LMAN1L: variants seen among roughly 807,000 people sequenced by gnomAD.
LMAN1L encodes protein ERGIC-53-like.
Under a neutral mutation model 58.3 loss-of-function variants are expected in LMAN1L, and 60 were observed. That is an observed-to-expected ratio of 1.03 (90% CI 0.84 to 1.27). The LOEUF (loss-of-function observed/expected upper bound fraction) is 1.27, where lower values mean the gene tolerates loss of function less well. Among genes scored for constraint, LMAN1L ranks in the 50% most tolerant of loss-of-function variants. The pLI is 0.00. For synonymous variants in LMAN1L, 280 were observed against 271.6 expected, an observed-to-expected ratio of 1.03 and a Z score of -0.31; for missense variants, 629 against 674.0, an observed-to-expected ratio of 0.93 and a Z score of 0.74.
chr15:74,820,012 G>T, intron 6 of LMAN1L, 32 bp from the exon 7 acceptor site: 1 of 1,604,108 alleles, frequency 6.2e-7, no homozygotes, highest in Non-Finnish European at 8.5e-7. Flanking sequence ...GGGTGGAGGG[G>T]TCTTACTTCT....
At position 74,814,652 on chromosome 15, in the gene LMAN1L, C is replaced by CGT. The variant is rs772965170; in HGVS notation, c.176-1504_176-1503insTG. Among the ~76,000 whole-genome samples, 24 of 151,784 alleles carry CGT rather than the reference C, an allele frequency of 1.6e-4. 1 individual carries two copies. Among genetic ancestry groups the CGT allele is most frequent in the Non-Finnish European group, 2.5e-4 (17 of 67,948 alleles). On this transcript the variant is annotated intron_variant, in intron 1 of 13. Transcript: ENST00000309664. ...CCTCCCAAAGTGCTGGGATTACAGG[C>CGT]GAGCCACCGCGCCCAGCCTAATTTT... is the stretch of plus-strand genomic sequence containing the variant.
chr15:74,815,761 A>G (rs2063887595), intron 1 of LMAN1L, among the ~76,000 whole-genome samples: 1 of 152,190 alleles, frequency 6.6e-6, no homozygotes, highest in African/African-American at 2.4e-5. Context: ...CATCTGAGAA[A>G]TGGGAAGGGT....
chr15:74,818,910 C>A (rs1387502799), intron 5 of LMAN1L, 93 bp downstream of exon 5: 6 of 1,167,056 alleles, frequency 5.1e-6, no homozygotes, highest in Non-Finnish European at 7.3e-6. Context: ...GCCTGTGACA[C>A]CACGTGAGGT....
chr15:74,819,866 A>C, intron 6 of LMAN1L, 178 bp from the exon 7 acceptor site: 1 of 655,644 alleles, frequency 1.5e-6, no homozygotes, highest in East Asian at 2.7e-5. Flanking sequence ...CTCACCACCC[A>C]CCCGTCTACC....
At position 74,822,423 on chromosome 15, in the gene LMAN1L, G is replaced by A. The variant is rs573950460; in HGVS notation, c.1132-219G>A. 7.9e-5 allele frequency among the ~76,000 whole-genome samples: 12 copies of A among 152,294 alleles called. No individual in the cohort carries two copies. In the East Asian group the frequency reaches 2.3e-3, roughly 29 times the overall value. On this transcript the variant is annotated intron_variant, in intron 10 of 13. Transcript: ENST00000309664. ...GAAAACCCTGAAGTGGCCACTGTTG[G>A]GAGGAAACAACCACCCCTGGGGAGA...
chr15:74,819,670 G>A, intron 6 of LMAN1L: 1 of 470,910 alleles, frequency 2.1e-6, no homozygotes, highest in Non-Finnish European at 3.8e-6. Context: ...TTCTGAGGAG[G>A]AGAGTGACAT....
intron 12 of LMAN1L, 61 bp from the exon 13 acceptor site, chr15:74,824,290 C>T (rs1731470622): frequency 3.9e-6 from 6 of 1,534,286 alleles, no homozygotes; most frequent in Admixed American, 1.8e-5. Flanking sequence ...GCCTAGATTC[C>T]AGGTCCCCCA....
intron 7 of LMAN1L, chr15:74,820,368 G>C: frequency 1.6e-6 from 1 of 617,094 alleles, no homozygotes. Context: ...CACAGAGGAG[G>C]AGTCCCAACC....
In LMAN1L at chr15:74,816,282, G is replaced by A. The variant is rs762709699; in HGVS notation, c.301G>A (p.Gly101Arg). 10 of 1,612,174 alleles carry A rather than the reference G, an allele frequency of 6.2e-6. No individual in the cohort carries two copies. The highest frequency in any genetic ancestry group is 7.6e-6 in the Non-Finnish European group (9 of 1,179,624). The change falls in exon 2 of 14, where the codon GGA (glycine) becomes AGA (arginine). Residue 101 changes from glycine (G) to arginine (R), a missense_variant. By Grantham distance (125) the Gly-to-Arg change is moderately radical (BLOSUM62 -2). Coordinates refer to ENST00000309664, the MANE Select transcript of LMAN1L (RefSeq NM_021819.3). ...AGTAGAGGTGCAGATGAGGGTGACG[G>A]GACTGGGGCGCCGGGGAGCCCAGGG... ...WEVEVQMRVT[G>R]LGRRGAQGMA...
chr15:74,819,613 G>A (rs569994117), intron 6 of LMAN1L: 99 of 485,828 alleles, frequency 2.0e-4, no homozygotes, highest in African/African-American at 1.5e-3. Flanking sequence ...GAAAGCTGAG[G>A]GCAACCAGAG....
At chr15:74,817,559 C>A (rs550395873) in intron 4 of LMAN1L, among the ~76,000 whole-genome samples, 1 of 152,338 alleles carries the variant, frequency 6.6e-6, no homozygotes, top group East Asian at 1.9e-4. Flanking sequence ...CTCCCCAGAG[C>A]CTGCCGAGCC....
chr15:74,824,015 G>A (rs943246484), intron 12 of LMAN1L: 4 of 494,650 alleles, frequency 8.1e-6, no homozygotes, highest in African/African-American at 7.7e-5. Context: ...GTGGTAGTCA[G>A]CGCTTCCCCA....
chr15:74,814,378 G>T (rs112987086), intron 1 of LMAN1L, among the ~76,000 whole-genome samples: 64,630 of 109,130 alleles, frequency 0.59, 20,621 homozygotes, highest in Non-Finnish European at 0.7. Flanking sequence ...TTTTGTTTTT[G>T]TTTTTTTTTT....
Position 74,820,058 on chromosome 15 carries a change from C to T in LMAN1L, c.733C>T (p.Leu245=), listed in dbSNP as rs1337475825. Residue 245 remains leucine (L), a synonymous_variant, in exon 7 of 14, where the codon CTG becomes TTG. Transcript: ENST00000309664. ...TCCCCTTCCAGATGATCATGATGTC[C>T]TGTCCTTCCTGACCTTCAGCCTGAG... ...TGTLADDHDV[L]SFLTFSLSEP... 2 of 1,614,018 alleles carry T rather than the reference C, an allele frequency of 1.2e-6. No homozygotes were observed. Among genetic ancestry groups the T allele is most frequent in the Non-Finnish European group, 1.7e-6 (2 of 1,179,972 alleles).
intron 4 of LMAN1L, among the ~76,000 whole-genome samples, chr15:74,818,224 C>T (rs2063901041): frequency 6.6e-6 from 1 of 152,186 alleles, no homozygotes; most frequent in Non-Finnish European, 1.5e-5. Context: ...CCCTGCTCCT[C>T]TCTCTTCTGC....
In LMAN1L at chr15:74,819,238, C is replaced by G; in HGVS notation, c.684C>G (p.Phe228Leu). The change falls in exon 6 of 14, where the codon TTC becomes TTG. Residue 228 changes from phenylalanine to leucine, a missense_variant. By Grantham distance (22) the Phe-to-Leu change is conservative. Coordinates refer to ENST00000309664, the MANE Select transcript of LMAN1L (RefSeq NM_021819.3). Reference protein sequence around the residue: ...VGPLLLVPGGFFGVSAATGTL... With the variant: ...VGPLLLVPGGLFGVSAATGTL... The stretch of plus-strand genomic sequence containing the variant: ...CCCTGCTTTTGGTCCCTGGAGGTTT[C>G]TTTGGGGTCTCAGCAGCCACCGGCA... The G allele has an allele frequency of 1.2e-6, 2 of 1,614,168 alleles. No individual in the cohort carries two copies. Among genetic ancestry groups the G allele is most frequent in the Non-Finnish European group, 1.7e-6 (2 of 1,180,026 alleles).
intron 4 of LMAN1L, among the ~76,000 whole-genome samples, chr15:74,818,053 TAAGGGTGATAGGAC>T (rs1360630239): frequency 6.8e-6 from 1 of 146,596 alleles, no homozygotes; most frequent in Non-Finnish European, 1.5e-5. Context: ...AGGAGGGACG[TAAGGGTGATAGGAC>T]GAGGGTGATA....
chr15:74,824,739 TG>T (rs1342529286), intron 13 of LMAN1L: 7 of 394,832 alleles, frequency 1.8e-5, no homozygotes, highest in Non-Finnish European at 3.2e-5. Flanking sequence ...GTCAATGCCA[TG>T]ATGTCAGGAA....
intron 6 of LMAN1L, 40 bp downstream of exon 6, chr15:74,819,312 G>A: frequency 1.2e-6 from 2 of 1,605,168 alleles, no homozygotes; most frequent in East Asian, 4.5e-5. Context: ...GAAGGGCAGT[G>A]ATGAATAAAT....
Sources: allele counts gnomAD v4.1 joint callset (sites outside exome capture counted in the v4.1 genomes callset), GRCh38; gene constraint gnomAD v4.1.1; transcripts MANE v1.5; gene names NCBI Gene and HGNC (gene_info 2026-07-23, HGNC 2026-07-21).